The following ROBO1 variants were observed in gnomAD, a reference collection of about 807,000 sequenced individuals.
ROBO1 encodes roundabout guidance receptor 1, also known as roundabout homolog 1.
Under a neutral mutation model 195.9 loss-of-function variants are expected in ROBO1, and 149 were observed. The ratio of observed to expected loss-of-function variants is 0.76; its 90% confidence interval spans 0.67 to 0.87. The LOEUF is 0.87. Among genes scored for constraint, ROBO1 ranks in the 40% least tolerant of loss-of-function variants. The pLI, the probability that ROBO1 is intolerant of heterozygous loss-of-function variation, is 0.00. For synonymous variants in ROBO1, 816 were observed against 733.2 expected (o/e 1.11, Z -1.82); for missense variants, 1,933 against 2,068.3 (o/e 0.93, Z 1.27).
At chr3:79,744,511 A>G (rs1477363268) in intron 1 of ROBO1, among the ~76,000 whole-genome samples, 5 of 152,154 alleles carry the variant, frequency 3.3e-5, no homozygotes, top group African/African-American at 1.2e-4. Context: ...GGGTATAGCG[A>G]CTTCATAAGA....
At chr3:78,746,942 A>T in intron 4 of ROBO1, 42 bp from the exon 5 acceptor site, 3 of 1,369,096 alleles carry the variant, frequency 2.2e-6, no homozygotes, top group Non-Finnish European at 2.9e-6. Flanking sequence ...AAAGTGATAG[A>T]TACAGTCCTA....
chr3:79,359,037 C>T (rs1362776654), intron 2 of ROBO1, among the ~76,000 whole-genome samples: 4 of 151,986 alleles, frequency 2.6e-5, no homozygotes, highest in African/African-American at 4.8e-5. Flanking sequence ...TCTTCAGACA[C>T]CAGTCATATC....
At chr3:79,575,565 T>G (rs1943458608) in intron 2 of ROBO1, among the ~76,000 whole-genome samples, 1 of 137,186 alleles carries the variant, frequency 7.3e-6, no homozygotes, top group African/African-American at 2.6e-5. Flanking sequence ...CAAATATATA[T>G]AAATATATAT....
At chr3:79,703,036 A>T (rs1947663886) in intron 1 of ROBO1, among the ~76,000 whole-genome samples, 1 of 151,898 alleles carries the variant, frequency 6.6e-6, no homozygotes, top group Admixed American at 6.6e-5. Flanking sequence ...TGATTTTAGG[A>T]ACCTTAGCAT....
intron 26 of ROBO1, among the ~76,000 whole-genome samples, chr3:78,618,917 G>GATCC (rs1247201919): frequency 2.0e-5 from 3 of 152,138 alleles, no homozygotes; most frequent in African/African-American, 7.2e-5. Flanking sequence ...CTAGGGCTAT[G>GATCC]ATCCACAGTG....
At chr3:78,993,730 A>C (rs1451082312) in intron 3 of ROBO1, among the ~76,000 whole-genome samples, 1 of 152,106 alleles carries the variant, frequency 6.6e-6, no homozygotes, top group Non-Finnish European at 1.5e-5. Context: ...CATAATTGTT[A>C]ATTCCTATGA....
At chr3:79,308,315 G>T (rs570175859) in intron 2 of ROBO1, among the ~76,000 whole-genome samples, 31 of 152,252 alleles carry the variant, frequency 2.0e-4, no homozygotes, top group Non-Finnish European at 4.1e-4. Context: ...TTAAAAATAC[G>T]TAGGGACTTC....
Position 79,305,488 on chromosome 3 carries a change from A to C in ROBO1, c.89-179949T>G, listed in dbSNP as rs1163850403. Among the ~76,000 whole-genome samples, 4 of 79,788 alleles carry C rather than the reference A, an allele frequency of 5.0e-5. No homozygotes were observed. In the East Asian group the frequency reaches 1.1e-3, roughly 22 times the overall value. The allele number at this position is 79,788 out of a possible 152,430, so 52.3% of individuals were successfully genotyped here. ...GGTGACAAGAGGAAAACTCCATCTCAAAAAAAAAAAAAAAAAAAAAAGAAT... is the reference window on the plus strand; with the variant it reads ...GGTGACAAGAGGAAAACTCCATCTCCAAAAAAAAAAAAAAAAAAAAAGAAT... On this transcript the variant is annotated intron_variant, in intron 2 of 30. Transcript: ENST00000464233.
At chr3:79,332,102 C>T (rs1433356179) in intron 2 of ROBO1, among the ~76,000 whole-genome samples, 5 of 147,608 alleles carry the variant, frequency 3.4e-5, no homozygotes, top group Non-Finnish European at 7.4e-5. Context: ...GAGATTGTGC[C>T]GCTGTACTCT....
At chr3:79,601,846 A>T (rs549582124) in intron 1 of ROBO1, among the ~76,000 whole-genome samples, 1 of 152,086 alleles carries the variant, frequency 6.6e-6, no homozygotes, top group East Asian at 1.9e-4. Flanking sequence ...GTGTATGAAA[A>T]CCTAAAATTA....
At position 78,668,537 on chromosome 3, in the gene ROBO1, A is replaced by G. The variant is rs1707871583; in HGVS notation, c.1577T>C (p.Ile526Thr). 2 of 1,613,738 alleles carry G rather than the reference A, an allele frequency of 1.2e-6. No individual in the cohort carries two copies. The highest frequency in any genetic ancestry group is 2.2e-5 in the East Asian group (1 of 44,894). Residue 526 changes from isoleucine to threonine, a missense_variant, in exon 12 of 31, where the codon ATT becomes ACT. Ile to Thr is a moderately conservative substitution (Grantham distance 89). This residue lies in a region of ROBO1 where 1,737 missense variants were observed against 1,882.5 expected (regional missense o/e 0.92). Coordinates refer to ENST00000464233, the MANE Select transcript of ROBO1 (RefSeq NM_002941.4). The stretch of plus-strand genomic sequence containing the variant: ...TGCTTCACCACTGGGGGTTGATGCA[A>G]TGCAGGTGTACCGACCAGTATCACC... Reference protein sequence around the residue: ...KLGDTGRYTCIASTPSGEATW... With the variant: ...KLGDTGRYTCTASTPSGEATW...
At chr3:79,556,126 TA>T (rs907414241) in intron 2 of ROBO1, among the ~76,000 whole-genome samples, 4 of 152,150 alleles carry the variant, frequency 2.6e-5, no homozygotes, top group Admixed American at 6.6e-5. Context: ...TTTAATCTTT[TA>T]TCTTTTATTC....
At chr3:78,731,100 T>C (rs781567447) in intron 5 of ROBO1, among the ~76,000 whole-genome samples, 6 of 152,142 alleles carry the variant, frequency 3.9e-5, no homozygotes, top group Non-Finnish European at 7.4e-5. Flanking sequence ...GAGAAAATGA[T>C]CTGTGTAAAG....
At chr3:78,951,645 G>A (rs1005659190) in intron 3 of ROBO1, among the ~76,000 whole-genome samples, 1 of 152,050 alleles carries the variant, frequency 6.6e-6, no homozygotes, top group African/African-American at 2.4e-5. Context: ...CTCACTTCAG[G>A]CAAGACCAGC....
At chr3:79,503,280 G>C (rs139040976) in intron 2 of ROBO1, among the ~76,000 whole-genome samples, 1 of 152,088 alleles carries the variant, frequency 6.6e-6, no homozygotes, top group African/African-American at 2.4e-5. Flanking sequence ...CTTCACTCCT[G>C]AGCCAGGAAG....
At chr3:78,670,647 A>C (rs1177610526) in intron 10 of ROBO1, 1 of 173,888 alleles carries the variant, frequency 5.8e-6, no homozygotes, top group Non-Finnish European at 1.2e-5. Flanking sequence ...ACATGAAAAA[A>C]CACAACATAA....
rs184351219 is a variant in ROBO1 at position 79,142,426 on chromosome 3, A to G, written c.89-16887T>C. 5.8e-4 allele frequency among the ~76,000 whole-genome samples: 88 copies of G among 152,258 alleles called. No homozygotes were observed. The East Asian group carries it at 0.012, about 21-fold the overall frequency. ...GACTAAAGTTGTTGAGATTATCAGA[A>G]GGAAGAAGATTTGAAGGTATTTGAA... On this transcript the variant is annotated intron_variant, in intron 2 of 30. Coordinates refer to ENST00000464233, the MANE Select transcript of ROBO1 (RefSeq NM_002941.4).
chr3:79,429,272 T>C (rs1221392870), intron 2 of ROBO1, among the ~76,000 whole-genome samples: 1 of 152,140 alleles, frequency 6.6e-6, no homozygotes, highest in Non-Finnish European at 1.5e-5. Flanking sequence ...TGGTTCATCC[T>C]AAAGCATTAT....
At chr3:78,792,768 A>G (rs1345211498) in intron 4 of ROBO1, among the ~76,000 whole-genome samples, 2 of 152,150 alleles carry the variant, frequency 1.3e-5, no homozygotes, top group Non-Finnish European at 2.9e-5. Flanking sequence ...CCTTATAATC[A>G]CATTATAAAA....
Sources: gnomAD v4.1 joint callset for allele counts (sites outside exome capture counted in the v4.1 genomes callset) on GRCh38, gnomAD v4.1.1 for gene constraint, gnomAD v4.1.1 regional missense constraint, MANE v1.5 for transcripts, NCBI Gene and HGNC (gene_info 2026-07-23, HGNC 2026-07-21) for gene names.